Variants in MAST4 observed in about 807,000 individuals in gnomAD.
MAST4 encodes the protein microtubule associated serine/threonine kinase family member 4.
Under a neutral mutation model 162.7 loss-of-function variants are expected in MAST4, and 89 were observed. The observed-to-expected ratio is 0.55, with a 90% CI of 0.46 to 0.65. MAST4 has a LOEUF of 0.65. MAST4 is among the 30% of genes least tolerant of loss of function. The pLI is 0.00. For synonymous variants in MAST4, 1,479 were observed against 1,361.1 expected (o/e 1.09, Z -1.91); for missense variants, 3,153 against 3,374.0 (o/e 0.93, Z 1.62).
At chr5:66,960,549 C>T (rs1460636549) in intron 4 of MAST4, among the ~76,000 whole-genome samples, 1 of 152,042 alleles carries the variant, frequency 6.6e-6, no homozygotes, top group African/African-American at 2.4e-5. Flanking sequence ...CATTCTTCTA[C>T]TTAACCCTCC....
At chr5:66,896,355 A>C (rs868794419) in intron 3 of MAST4, among the ~76,000 whole-genome samples, 1 of 152,192 alleles carries the variant, frequency 6.6e-6, no homozygotes. Context: ...CTTACCACTG[A>C]TGATGTTAAC....
chr5:67,151,684 A>T (rs1451414326), intron 24 of MAST4, among the ~76,000 whole-genome samples: 1 of 151,858 alleles, frequency 6.6e-6, no homozygotes, highest in African/African-American at 2.4e-5. Flanking sequence ...TCACCACAGT[A>T]ATGTTATTCA....
chr5:66,791,151 G>A (rs1335350995), intron 3 of MAST4, among the ~76,000 whole-genome samples: 1 of 152,168 alleles, frequency 6.6e-6, no homozygotes, highest in African/African-American at 2.4e-5. Flanking sequence ...AGCCTCCCGA[G>A]TAGCTGGGAT....
chr5:66,713,804 A>G (rs1482254702), intron 1 of MAST4, among the ~76,000 whole-genome samples: 1 of 152,078 alleles, frequency 6.6e-6, no homozygotes, highest in Non-Finnish European at 1.5e-5. Flanking sequence ...TAGTTTGGTG[A>G]TCTCAGCTTT....
At chr5:66,756,326 T>C (rs991328935) in intron 1 of MAST4, among the ~76,000 whole-genome samples, 2 of 152,244 alleles carry the variant, frequency 1.3e-5, no homozygotes, top group African/African-American at 4.8e-5. Flanking sequence ...CAATGCAAGA[T>C]ACTTTGTGGC....
At chr5:66,647,330 C>T (rs1211166105) in intron 1 of MAST4, among the ~76,000 whole-genome samples, 13 of 152,122 alleles carry the variant, frequency 8.5e-5, no homozygotes, top group Non-Finnish European at 1.8e-4. Flanking sequence ...TCTGATTCAC[C>T]TCTCCTCCCA....
intron 4 of MAST4, among the ~76,000 whole-genome samples, chr5:67,007,827 T>C (rs1319470370): frequency 6.6e-6 from 1 of 152,224 alleles, no homozygotes; most frequent in East Asian, 1.9e-4. Flanking sequence ...TGAAGGTTTT[T>C]CTTAAAACCT....
At chr5:66,694,632 G>A (rs1031208916) in intron 1 of MAST4, among the ~76,000 whole-genome samples, 23 of 152,120 alleles carry the variant, frequency 1.5e-4, no homozygotes, top group African/African-American at 5.1e-4. Context: ...GACTACAGGC[G>A]TGTGCCACCA....
intron 4 of MAST4, among the ~76,000 whole-genome samples, chr5:66,919,947 T>G (rs1008283818): frequency 1.4e-5 from 2 of 140,494 alleles, no homozygotes; most frequent in Non-Finnish European, 3.0e-5. Context: ...CTTCCTTCCT[T>G]CCTTCCTTCC....
intron 1 of MAST4, among the ~76,000 whole-genome samples, chr5:66,624,016 A>G (rs934977392): frequency 1.3e-5 from 2 of 152,210 alleles, no homozygotes; most frequent in African/African-American, 4.8e-5. Flanking sequence ...TTAGCAAGAA[A>G]AGATAAAATA....
chr5:67,103,470 TACTG>T (rs1393076462), intron 9 of MAST4, among the ~76,000 whole-genome samples: 2 of 152,218 alleles, frequency 1.3e-5, no homozygotes, highest in East Asian at 3.8e-4. Flanking sequence ...GGGAAACAGA[TACTG>T]ACTGTTAACC....
intron 1 of MAST4, among the ~76,000 whole-genome samples, chr5:66,652,867 C>T (rs147470018): frequency 2.6e-5 from 4 of 152,296 alleles, no homozygotes; most frequent in African/African-American, 9.6e-5. Context: ...TTGAGGCAAG[C>T]GCTCTCATTG....
intron 1 of MAST4, among the ~76,000 whole-genome samples, chr5:66,678,937 A>G (rs1358297517): frequency 6.6e-6 from 1 of 152,038 alleles, no homozygotes; most frequent in Non-Finnish European, 1.5e-5. Context: ...GATTACAGGC[A>G]TGCACCACCA....
In MAST4 at chr5:67,038,846, A is replaced by G. The variant is rs527444254; in HGVS notation, c.675-15558A>G. Among the ~76,000 whole-genome samples the G allele has an allele frequency of 3.3e-5, 5 of 152,274 alleles. No individual in the cohort carries two copies. In the East Asian group the frequency reaches 7.7e-4, roughly 23 times the overall value. On this transcript the variant is annotated intron_variant, in intron 4 of 28. Coordinates refer to ENST00000403625, the MANE Select transcript of MAST4 (RefSeq NM_001164664.2). ...GTACAATGTGGTTTTGCTCCTTACCATATACTTTTGTGAGTTCAGAAAACA... is the reference window on the plus strand; with the variant it reads ...GTACAATGTGGTTTTGCTCCTTACCGTATACTTTTGTGAGTTCAGAAAACA...
At chr5:66,923,995 TTTTCCA>T (rs1764713617) in intron 4 of MAST4, among the ~76,000 whole-genome samples, 1 of 152,220 alleles carries the variant, frequency 6.6e-6, no homozygotes, top group African/African-American at 2.4e-5. Context: ...GTTTAGTTGC[TTTTCCA>T]TCATCAGGAA....
chr5:66,974,855 C>T (rs1747928288), intron 4 of MAST4, among the ~76,000 whole-genome samples: 1 of 152,086 alleles, frequency 6.6e-6, no homozygotes, highest in African/African-American at 2.4e-5. Context: ...TCTATTCTAG[C>T]TGAGATGATA....
chr5:67,142,135 C>A lies in MAST4; in HGVS notation c.2515C>A (p.Gln839Lys). ...LGTGGAYEVK[Q>K]HRFFRSLDWN... is the part of the protein sequence containing the mutation. ...TCCAGGTGGTGCATATGAAGTCAAACAGCATCGATTCTTCCGTTCTTTAGA... is the reference window on the plus strand; with the variant it reads ...TCCAGGTGGTGCATATGAAGTCAAAAAGCATCGATTCTTCCGTTCTTTAGA... The change falls in exon 20 of 29, where the codon CAG (glutamine) becomes AAG (lysine). Residue 839 changes from glutamine (Q) to lysine (K), a missense_variant. Gln to Lys is a moderately conservative substitution (Grantham distance 53). Around this residue, in one of 7 missense-constraint regions of MAST4, gnomAD observed 62 missense variants for 63.1 expected, o/e 0.98. Transcript: ENST00000403625. 5 of 1,613,902 alleles carry A rather than the reference C, an allele frequency of 3.1e-6. No individual in the cohort carries two copies. Among genetic ancestry groups the A allele is most frequent in the Non-Finnish European group, 4.2e-6 (5 of 1,179,806 alleles).
At chr5:67,039,559 C>CT (rs1199017277) in intron 4 of MAST4, among the ~76,000 whole-genome samples, 1 of 152,190 alleles carries the variant, frequency 6.6e-6, no homozygotes, top group Admixed American at 6.5e-5. Flanking sequence ...AAATCTCAGG[C>CT]TAGGGACGAA....
intron 4 of MAST4, among the ~76,000 whole-genome samples, chr5:66,953,766 A>T (rs1744970651): frequency 6.6e-6 from 1 of 152,172 alleles, no homozygotes; most frequent in South Asian, 2.1e-4. Flanking sequence ...CTCTAGAGCA[A>T]GATTTCTAGA....
Sources: gnomAD v4.1 joint callset for allele counts (sites outside exome capture counted in the v4.1 genomes callset) on GRCh38, gnomAD v4.1.1 for gene constraint, gnomAD v4.1.1 regional missense constraint, MANE v1.5 for transcripts, NCBI Gene and HGNC (gene_info 2026-07-23, HGNC 2026-07-21) for gene names.